The following TCF20 variants were observed in gnomAD, a reference collection of about 807,000 sequenced individuals.
TCF20 encodes the protein transcription factor 20, also known as SPRE-binding protein.
A neutral mutation model predicts 148.6 loss-of-function variants in TCF20; 3 were observed. The ratio of observed to expected loss-of-function variants is 0.02; its 90% CI spans 0.01 to 0.05. The LOEUF (loss-of-function observed/expected upper bound fraction) is 0.05, where lower values mean the gene tolerates loss of function less well. Ranked by LOEUF, TCF20 falls within the 10% of genes least tolerant of loss-of-function variation. The pLI, the probability that TCF20 is intolerant of heterozygous loss-of-function variation, is 1.00. For synonymous variants in TCF20, 1,049 were observed against 909.5 expected, an observed-to-expected ratio of 1.15 and a Z score of -2.76; for missense variants, 2,350 against 2,429.3, an observed-to-expected ratio of 0.97 and a Z score of 0.69.
At chr22:42,197,785 G>A (rs938808453) in intron 2 of TCF20, among the ~76,000 whole-genome samples, 3 of 152,030 alleles carry the variant, frequency 2.0e-5, no homozygotes, top group Non-Finnish European at 2.9e-5. Context: ...AACAATTAAT[G>A]GACATTAAAC....
Position 42,213,260 on chromosome 22 carries a change from C to G in TCF20, c.2046G>C (p.Gln682His), listed in dbSNP as rs1258925350. The change falls in exon 2 of 6, where the codon CAG (glutamine) becomes CAC (histidine). Residue 682 changes from glutamine (Q) to histidine (H), a missense_variant. Gln to His is a conservative substitution (Grantham distance 24). Around this residue, in one of 7 missense-constraint regions of TCF20, gnomAD observed 1,641 missense variants for 1,662.6 expected, o/e 0.99. Coordinates refer to ENST00000677622, the MANE Select transcript of TCF20 (RefSeq NM_001378418.1). The part of the protein sequence containing the change: ...NSNHNGEGNG[Q>H]SGHSAAGPGF... ...CAGGGCCCGCTGCAGAGTGGCCACT[C>G]TGGCCATTTCCTTCTCCATTATGGT... 6.2e-7 allele frequency: 1 copy of G among 1,614,072 alleles called. No homozygotes were observed. Among genetic ancestry groups the G allele is most frequent in the Non-Finnish European group, 8.5e-7 (1 of 1,180,034 alleles).
upstream of TCF20, among the ~76,000 whole-genome samples, chr22:42,285,544 CT>C (rs2147021408): frequency 6.6e-6 from 1 of 152,296 alleles, no homozygotes; most frequent in South Asian, 2.1e-4. The surrounding 1 kb of genome is among the most constrained non-coding windows in gnomAD (Gnocchi z 4.2). Flanking sequence ...TAAACTACTA[CT>C]CAAAGACTGC....
chr22:42,176,593 A>G (rs564709163), intron 3 of TCF20, among the ~76,000 whole-genome samples: 2 of 152,330 alleles, frequency 1.3e-5, no homozygotes, highest in South Asian at 4.1e-4. Context: ...GGGCATGCAC[A>G]TGACAAGCAC....
At chr22:42,237,767 T>C (rs1924013805) in intron 1 of TCF20, among the ~76,000 whole-genome samples, 1 of 152,296 alleles carries the variant, frequency 6.6e-6, no homozygotes, top group Non-Finnish European at 1.5e-5. Context: ...TCAGAGCTCT[T>C]AGGTGACCAG....
chr22:42,303,071 G>A (rs1207923471), intron 1 of TCF20, among the ~76,000 whole-genome samples: 7 of 152,142 alleles, frequency 4.6e-5, no homozygotes, highest in East Asian at 1.9e-4. Context: ...CTGGGATTAC[G>A]GGTGCCCAAC....
At chr22:42,208,742 G>A in intron 2 of TCF20, among the ~76,000 whole-genome samples, 1 of 152,176 alleles carries the variant, frequency 6.6e-6, no homozygotes, top group East Asian at 1.9e-4. Context: ...GATCAATCCA[G>A]GAGGTAAAAT....
chr22:42,200,526 A>C (rs1447744305), intron 2 of TCF20, among the ~76,000 whole-genome samples: 2 of 151,392 alleles, frequency 1.3e-5, no homozygotes, highest in Non-Finnish European at 2.9e-5. Context: ...TTGTAATCCC[A>C]GCTACTTGGG....
chr22:42,239,299 A>G (rs1371418397), intron 1 of TCF20, among the ~76,000 whole-genome samples: 1 of 151,028 alleles, frequency 6.6e-6, no homozygotes, highest in Non-Finnish European at 1.5e-5. Flanking sequence ...CAATACGGAG[A>G]AACCCCGTCT....
At chr22:42,267,797 G>A (rs573635176) in intron 1 of TCF20, among the ~76,000 whole-genome samples, 1 of 152,290 alleles carries the variant, frequency 6.6e-6, no homozygotes, top group South Asian at 2.1e-4. Context: ...ATAATTATAA[G>A]CACTCTGCCC....
chr22:42,178,499 A>T (rs1392661878), intron 3 of TCF20, among the ~76,000 whole-genome samples: 3 of 151,942 alleles, frequency 2.0e-5, no homozygotes, highest in Non-Finnish European at 2.9e-5. Flanking sequence ...TACCTGTGTG[A>T]TGCTATCAAG....
At chr22:42,248,576 G>C (rs963756138) in intron 1 of TCF20, among the ~76,000 whole-genome samples, 1 of 152,136 alleles carries the variant, frequency 6.6e-6, no homozygotes, top group African/African-American at 2.4e-5. Flanking sequence ...CTAAACACTA[G>C]ATTTAGCAAA....
chr22:42,267,872 G>A lies in TCF20; in HGVS notation c.-37+2467C>T, dbSNP rs552481118. 9.2e-5 allele frequency among the ~76,000 whole-genome samples: 14 copies of A among 151,958 alleles called. No homozygotes were observed. In the East Asian group the frequency reaches 1.7e-3, roughly 19 times the overall value. On this transcript the variant is annotated intron_variant, in intron 1 of 5. Transcript: ENST00000677622. ...AATCAAAAAGTGATCTAGCCCAGGC[G>A]CAGTGGTTCACACCTGTAATCCCAG...
intron 1 of TCF20, among the ~76,000 whole-genome samples, chr22:42,261,860 G>A (rs536772593): frequency 8.5e-5 from 13 of 152,200 alleles, no homozygotes; most frequent in South Asian, 2.1e-4. Flanking sequence ...GCCTGGTGGC[G>A]GGCGCCTGTA....
chr22:42,317,364 G>A lies in TCF20; in HGVS notation c.-37+26115C>T, dbSNP rs150126277. ...AAGTTCTCAAGTCTCCCTAGAGTGC[G>A]TGTTTATGTGTGTGGTGGGGAAGGA... On this transcript the variant is annotated intron_variant, in intron 1 of 1. Coordinates refer to the TCF20 transcript ENST00000515426. This position sits in a 1 kb window ranked among gnomAD's most constrained non-coding sequence, Gnocchi z 4.2. Among the ~76,000 whole-genome samples, 55 of 152,262 alleles carry A rather than the reference G, an allele frequency of 3.6e-4. 1 individual carries two copies. The East Asian group carries it at 0.01, about 28-fold the overall frequency.
At chr22:42,293,452 C>A (rs1041205281) in intron 1 of TCF20, among the ~76,000 whole-genome samples, 1 of 152,250 alleles carries the variant, frequency 6.6e-6, no homozygotes, top group South Asian at 2.1e-4. Context: ...CTTTATCCTG[C>A]ATGACTACCT....
At position 42,266,366 on chromosome 22, in the gene TCF20, A is replaced by G. The variant is rs144921786; in HGVS notation, c.-37+3973T>C. 1.6e-3 allele frequency among the ~76,000 whole-genome samples: 239 copies of G among 152,382 alleles called. No homozygotes were observed. In the Middle Eastern group the frequency reaches 0.017, roughly 11 times the overall value. Reference sequence around the variant, plus strand: ...AAAGCTTGTTTTTTATACAAATGCCAGCATTTTTTCCTGCCTATATGAAAG... The same window carrying G: ...AAAGCTTGTTTTTTATACAAATGCCGGCATTTTTTCCTGCCTATATGAAAG... On this transcript the variant is annotated intron_variant, in intron 1 of 5. Transcript: ENST00000677622.
chr22:42,221,191 T>G (rs1330968688), intron 1 of TCF20, among the ~76,000 whole-genome samples: 1 of 152,092 alleles, frequency 6.6e-6, no homozygotes, highest in Non-Finnish European at 1.5e-5. Context: ...TCCCTGGAGG[T>G]AGATGCAGCA....
rs539702379 is a variant in TCF20 at position 42,239,345 on chromosome 22, G to A, written c.-36-24004C>T. Among the ~76,000 whole-genome samples, 13 of 151,722 alleles carry A rather than the reference G, an allele frequency of 8.6e-5. No individual in the cohort carries two copies. The East Asian group carries it at 1.2e-3, about 14-fold the overall frequency. ...TACAAAATTAGCAGGGCGTGATGGC[G>A]CATGCCTGTAATCCCAGCTACTCGG... is the stretch of plus-strand genomic sequence containing the variant. On this transcript the variant is annotated intron_variant, in intron 1 of 5. Transcript: ENST00000677622.
chr22:42,324,515 T>TAAAATAATCTCCACCAACCGAG (rs1431996755), intron 1 of TCF20, among the ~76,000 whole-genome samples: 2 of 148,602 alleles, frequency 1.3e-5, no homozygotes, highest in South Asian at 2.2e-4. Context: ...CACCATCCGA[T>TAAAATAATCTCCACCAACCGAG]AAAATAATCT....
Sources: allele counts gnomAD v4.1 joint callset (sites outside exome capture counted in the v4.1 genomes callset), GRCh38; gene constraint gnomAD v4.1.1; regional missense constraint gnomAD v4.1.1; non-coding constraint Gnocchi (gnomAD v3.1); transcripts MANE v1.5; gene names NCBI Gene and HGNC (gene_info 2026-07-23, HGNC 2026-07-21).